GNAI3: variants seen among roughly 807,000 people sequenced by gnomAD.
GNAI3 encodes G protein subunit alpha i3.
Under a neutral mutation model 41.8 loss-of-function variants are expected in GNAI3, and 12 were observed. The observed-to-expected ratio is 0.29, with a 90% CI of 0.18 to 0.47. The LOEUF (loss-of-function observed/expected upper bound fraction) is 0.47. Ranked by LOEUF, GNAI3 falls within the 20% of genes least tolerant of loss-of-function variation. GNAI3 has a pLI of 1.00. For synonymous variants in GNAI3, 132 were observed against 146.5 expected (o/e 0.90, Z 0.71); for missense variants, 360 against 429.6 (o/e 0.84, Z 1.43).
chr1:109,569,503 A>T (rs917721458), intron 1 of GNAI3, among the ~76,000 whole-genome samples: 2 of 152,232 alleles, frequency 1.3e-5, no homozygotes, highest in African/African-American at 4.8e-5. Flanking sequence ...GAGATGGAAC[A>T]TAGGAAGCAG....
intron 1 of GNAI3, among the ~76,000 whole-genome samples, chr1:109,567,217 C>T (rs932278007): frequency 6.6e-6 from 1 of 152,130 alleles, no homozygotes; most frequent in East Asian, 1.9e-4. Flanking sequence ...AAAATAGTGC[C>T]ATACTGGGAC....
intron 1 of GNAI3, among the ~76,000 whole-genome samples, chr1:109,564,475 A>G (rs1161512166): frequency 1.3e-5 from 2 of 151,918 alleles, no homozygotes; most frequent in Non-Finnish European, 2.9e-5. Flanking sequence ...AAGTCACTGC[A>G]TATTTTTCTG....
At chr1:109,572,072 C>T (rs1648616803) in intron 1 of GNAI3, among the ~76,000 whole-genome samples, 1 of 152,142 alleles carries the variant, frequency 6.6e-6, no homozygotes, top group Non-Finnish European at 1.5e-5. Context: ...CTTTAGGAGG[C>T]TGAGGCGGGC....
chr1:109,582,421 C>T lies in GNAI3; in HGVS notation c.462-16C>T, dbSNP rs755956640. The T allele has an allele frequency of 3.8e-6, 6 of 1,597,892 alleles. No individual in the cohort carries two copies. Among genetic ancestry groups the T allele is most frequent in the Non-Finnish European group, 5.1e-6 (6 of 1,166,012 alleles). ...GTTGGCTTCACCAAGTAAAAGTAAA[C>T]GTGTCTTTTATTTAGTTATCTAAAT... On this transcript the variant is annotated splice_polypyrimidine_tract_variant and intron_variant, in intron 4 of 8. Transcript: ENST00000369851.
In GNAI3 at chr1:109,592,210, T is replaced by C. The variant is rs1260117647; in HGVS notation, c.1042T>C (p.Leu348=). ...AVTDVIIKNN[L]KECGLY is the part of the protein sequence containing the mutation. ...TACAGATGTCATCATTAAAAACAAC[T>C]TAAAGGAATGTGGACTTTATTGAGA... Residue 348 remains leucine, a synonymous_variant, in exon 8 of 9, where the codon TTA becomes CTA. Transcript: ENST00000369851. 4.3e-6 allele frequency: 7 copies of C among 1,611,716 alleles called. No individual in the cohort carries two copies. The Admixed American group carries it at 1.0e-4, about 23-fold the overall frequency.
chr1:109,551,967 G>A (rs1312902645), intron 1 of GNAI3, among the ~76,000 whole-genome samples: 1 of 152,096 alleles, frequency 6.6e-6, no homozygotes, highest in Non-Finnish European at 1.5e-5. Context: ...TTCGAGACCA[G>A]CCTGGCCAAC....
chr1:109,574,023 G>A lies in GNAI3; in HGVS notation c.289G>A (p.Glu97Lys). Residue 97 changes from glutamate to lysine, a missense_variant, in exon 3 of 9, where the codon GAA (glutamate) becomes AAA (lysine). Glu to Lys is a moderately conservative substitution (Grantham distance 56, BLOSUM62 1). Coordinates refer to ENST00000369851, the MANE Select transcript of GNAI3 (RefSeq NM_006496.4). Reference protein sequence around the residue: ...AMGRLKIDFGEAARADDARQL... With the variant: ...AMGRLKIDFGKAARADDARQL... Reference sequence around the variant, plus strand: ...GGGACGGCTAAAGATTGACTTTGGGGAAGCTGCCAGGGCAGTAAGTGTTTC... The same window carrying A: ...GGGACGGCTAAAGATTGACTTTGGGAAAGCTGCCAGGGCAGTAAGTGTTTC... 1 of 1,611,690 alleles carries A rather than the reference G, an allele frequency of 6.2e-7. No homozygotes were observed. Among genetic ancestry groups the A allele is most frequent in the African/African-American group, 1.3e-5 (1 of 74,974 alleles).
In GNAI3 at chr1:109,599,847, A is replaced by G. The variant is rs927495778; in HGVS notation, c.*7525A>G. 4.6e-5 allele frequency: 7 copies of G among 152,218 alleles called. No homozygotes were observed. Among genetic ancestry groups the G allele is most frequent in the African/African-American group, 1.2e-4 (5 of 41,454 alleles). The allele number at this position is 152,218 out of a possible 1,614,324, so 9.4% of individuals were successfully genotyped here. A position where few individuals can be genotyped will look rare whatever the true frequency, so the allele number is the denominator to read the frequency against. On this transcript the variant is annotated 3_prime_UTR_variant, in exon 9 of 9. Coordinates refer to ENST00000369851, the MANE Select transcript of GNAI3 (RefSeq NM_006496.4). Reference sequence around the variant, plus strand: ...TTGGGAATGGGAGGAGCTTAGAAGAACAAGAAATTGGCTTTGATTTTATAG... The same window carrying G: ...TTGGGAATGGGAGGAGCTTAGAAGAGCAAGAAATTGGCTTTGATTTTATAG...
chr1:109,566,997 A>G (rs1160048987), intron 1 of GNAI3, among the ~76,000 whole-genome samples: 3 of 152,242 alleles, frequency 2.0e-5, no homozygotes, highest in Non-Finnish European at 4.4e-5. Flanking sequence ...CTTTAGTTGT[A>G]GATACTCACA....
At chr1:109,556,486 T>A (rs988502903) in intron 1 of GNAI3, among the ~76,000 whole-genome samples, 5 of 152,228 alleles carry the variant, frequency 3.3e-5, no homozygotes, top group African/African-American at 1.2e-4. Flanking sequence ...TTTTGGTTCC[T>A]TTTTTAGAGG....
intron 4 of GNAI3, among the ~76,000 whole-genome samples, chr1:109,581,543 ATTG>A (rs987512844): frequency 5.3e-5 from 8 of 152,040 alleles, no homozygotes; most frequent in African/African-American, 1.9e-4. Flanking sequence ...TCCTGTTCCT[ATTG>A]TTTTAATTTT....
At chr1:109,575,918 C>T (rs1347106842) in intron 3 of GNAI3, among the ~76,000 whole-genome samples, 3 of 152,172 alleles carry the variant, frequency 2.0e-5, no homozygotes, top group Non-Finnish European at 4.4e-5. Flanking sequence ...TCATTAGTCC[C>T]TCTCAGGCCT....
chr1:109,582,598 A>G (rs1648923424), intron 5 of GNAI3, 33 bp downstream of exon 5: 3 of 1,513,334 alleles, frequency 2.0e-6, no homozygotes, highest in Non-Finnish European at 2.8e-6. Flanking sequence ...AGGTGTGCCA[A>G]ATACAAGTAT....
intron 4 of GNAI3, among the ~76,000 whole-genome samples, chr1:109,581,556 T>G (rs1648889539): frequency 6.6e-6 from 1 of 152,170 alleles, no homozygotes; most frequent in Non-Finnish European, 1.5e-5. Flanking sequence ...GTTTTAATTT[T>G]TTAAATTGGC....
At chr1:109,586,655 G>T in intron 6 of GNAI3, 74 bp from the exon 7 acceptor site, 2 of 1,086,074 alleles carry the variant, frequency 1.8e-6, no homozygotes, top group Non-Finnish European at 2.7e-6. Context: ...AAAACTTGTT[G>T]GTTTGTCTTT....
chr1:109,562,927 A>G (rs1410686582), intron 1 of GNAI3, among the ~76,000 whole-genome samples: 1 of 152,206 alleles, frequency 6.6e-6, no homozygotes, highest in Non-Finnish European at 1.5e-5. Context: ...AAAATGAAAT[A>G]TTTGGATTAT....
intron 1 of GNAI3, among the ~76,000 whole-genome samples, chr1:109,556,769 G>T (rs1648165878): frequency 6.6e-6 from 1 of 152,154 alleles, no homozygotes. Context: ...CCAGTCAGTT[G>T]CGAAGTCCTA....
intron 1 of GNAI3, among the ~76,000 whole-genome samples, chr1:109,563,761 A>C (rs1648375803): frequency 7.3e-6 from 1 of 136,714 alleles, no homozygotes; most frequent in African/African-American, 3.7e-5. Context: ...TAGGGCTTTT[A>C]AAAAACATCT....
chr1:109,552,236 T>C (rs550604001), intron 1 of GNAI3, among the ~76,000 whole-genome samples: 216 of 152,294 alleles, frequency 1.4e-3, no homozygotes, highest in African/African-American at 5.1e-3. Context: ...TGACATTCTA[T>C]TGAAAAAATA....
Sources: gnomAD v4.1 joint callset for allele counts (sites outside exome capture counted in the v4.1 genomes callset) on GRCh38, gnomAD v4.1.1 for gene constraint, MANE v1.5 for transcripts, NCBI Gene and HGNC (gene_info 2026-07-23, HGNC 2026-07-21) for gene names.